Variants in AK6 observed in about 807,000 individuals in gnomAD.
The protein encoded by AK6 is adenylate kinase isoenzyme 6.
In AK6, 24 loss-of-function variants were observed where a neutral mutation model predicts 23.7. The ratio of observed to expected loss-of-function variants is 1.01; its 90% CI spans 0.73 to 1.43. AK6 has a LOEUF of 1.43. Among genes scored for constraint, AK6 ranks in the 40% most tolerant of loss-of-function variants. The probability of loss-of-function intolerance (pLI) is 0.00; values close to 1 mark genes in which losing one functional copy is unlikely to be tolerated. For synonymous variants in AK6, 73 were observed against 69.8 expected, an observed-to-expected ratio of 1.05 and a Z score of -0.23; for missense variants, 191 against 199.1, an observed-to-expected ratio of 0.96 and a Z score of 0.24.
chr5:69,355,125 G>C (rs1257073954), intron 4 of AK6, among the ~76,000 whole-genome samples: 1 of 152,090 alleles, frequency 6.6e-6, no homozygotes, highest in Non-Finnish European at 1.5e-5. Context: ...CACTGTGCCC[G>C]GCCGACTAAA....
intron 2 of AK6, 86 bp downstream of exon 2, chr5:69,366,417 C>A (rs1326998464): frequency 2.9e-6 from 3 of 1,020,480 alleles, no homozygotes; most frequent in African/African-American, 3.2e-5. Context: ...GTTTTTTGTA[C>A]CCTATGACAA....
chr5:69,353,533 T>A (rs745928663), intron 4 of AK6, among the ~76,000 whole-genome samples: 7 of 151,962 alleles, frequency 4.6e-5, no homozygotes, highest in Admixed American at 1.3e-4. Flanking sequence ...CCTGACCTCA[T>A]GATTCAGCCA....
intron 2 of AK6, among the ~76,000 whole-genome samples, chr5:69,364,486 A>G (rs1390922992): frequency 2.0e-5 from 3 of 152,218 alleles, no homozygotes; most frequent in African/African-American, 7.2e-5. Flanking sequence ...CACTATGAAT[A>G]AAAATCCTGA....
At chr5:69,356,859 C>T (rs1437160337) in intron 2 of AK6, among the ~76,000 whole-genome samples, 1 of 152,054 alleles carries the variant, frequency 6.6e-6, no homozygotes, top group African/African-American at 2.4e-5. Context: ...ACAAAAATAA[C>T]GTTCAAAGTT....
chr5:69,362,289 C>T (rs1762262109), intron 2 of AK6, among the ~76,000 whole-genome samples: 1 of 152,028 alleles, frequency 6.6e-6, no homozygotes, highest in Non-Finnish European at 1.5e-5. Context: ...CTCCATGTGA[C>T]AACCCAAAAT....
At chr5:69,369,818 G>T (rs1762807755), upstream of AK6, 1 of 1,070,464 alleles carries the variant, frequency 9.3e-7, no homozygotes, top group East Asian at 2.7e-5. Context: ...CCGGGAGGCC[G>T]TACCTCCGAG....
chr5:69,355,887 A>AT lies in AK6; in HGVS notation c.180+7dup. Reference sequence around the variant, plus strand: ...CAAATGCATACTTTATGAAAAAGTCATACTTACTCTGTCTTCATCTAAAAT... The same window carrying AT: ...CAAATGCATACTTTATGAAAAAGTCATTACTTACTCTGTCTTCATCTAAAAT... On this transcript the variant is annotated splice_region_variant and intron_variant, in intron 3 of 4. Coordinates refer to ENST00000380822, the MANE Select transcript of AK6 (RefSeq NM_016283.5). The AT allele has an allele frequency of 6.2e-7, 1 of 1,607,700 alleles. No homozygotes were observed. The highest frequency in any genetic ancestry group is 8.5e-7 in the Non-Finnish European group (1 of 1,178,026).
upstream of AK6, chr5:69,369,756 A>G (rs1236920341): frequency 1.3e-6 from 2 of 1,491,620 alleles, no homozygotes; most frequent in Non-Finnish European, 9.1e-7. Context: ...TAAGTCACAC[A>G]CTCCTTCGGT....
upstream of AK6, chr5:69,369,754 A>G (rs535972848): frequency 6.1e-5 from 92 of 1,508,270 alleles, 3 homozygotes; most frequent in South Asian, 9.5e-4. Context: ...CCTAAGTCAC[A>G]CACTCCTTCG....
chr5:69,362,648 T>C (rs1762271682), intron 2 of AK6, among the ~76,000 whole-genome samples: 1 of 151,860 alleles, frequency 6.6e-6, no homozygotes, highest in Non-Finnish European at 1.5e-5. Context: ...CTGGGGAGGT[T>C]GAAGCAGGAG....
chr5:69,359,110 GC>G (rs1224207681), intron 2 of AK6, among the ~76,000 whole-genome samples: 1 of 151,838 alleles, frequency 6.6e-6, no homozygotes, highest in Non-Finnish European at 1.5e-5. Flanking sequence ...GCCCAGCATG[GC>G]GGTGCCAGCC....
rs946446832 is a variant in AK6 at position 69,351,570 on chromosome 5, T to C, written c.*491A>G. On this transcript the variant is annotated 3_prime_UTR_variant, in exon 5 of 5. Transcript: ENST00000380822. ...GACATATAGGAAACCAGTAACATTA[T>C]TTCCTAAAGGGAAGGAACCTGGGGT... is the stretch of plus-strand genomic sequence containing the variant. The C allele has an allele frequency of 6.6e-6, 1 of 152,522 alleles. No individual in the cohort carries two copies. The highest frequency in any genetic ancestry group is 1.5e-5 in the Non-Finnish European group (1 of 68,324). 9.4% of individuals were successfully genotyped at this position (152,522 alleles called of 1,614,324 possible).
intron 2 of AK6, among the ~76,000 whole-genome samples, chr5:69,364,037 G>A (rs1762316746): frequency 6.6e-6 from 1 of 152,080 alleles, no homozygotes; most frequent in Non-Finnish European, 1.5e-5. Flanking sequence ...GCAGTGAGCT[G>A]AGATTGTGCC....
chr5:69,363,445 G>T (rs1203218852), intron 2 of AK6, among the ~76,000 whole-genome samples: 1 of 152,180 alleles, frequency 6.6e-6, no homozygotes, highest in Non-Finnish European at 1.5e-5. Context: ...CAAAAATGGT[G>T]GTGTTCAACA....
intron 2 of AK6, among the ~76,000 whole-genome samples, chr5:69,360,545 C>T (rs1198689180): frequency 6.6e-6 from 1 of 152,042 alleles, no homozygotes; most frequent in Non-Finnish European, 1.5e-5. Flanking sequence ...GTCATCAGCA[C>T]AAGGGAGTGA....
intron 1 of AK6, chr5:69,369,105 C>A: frequency 2.6e-6 from 1 of 387,630 alleles, no homozygotes; most frequent in South Asian, 4.9e-5. Flanking sequence ...CGTTATTTCG[C>A]TAAAAATCCC....
chr5:69,369,758 T>C, upstream of AK6: 1 of 1,486,734 alleles, frequency 6.7e-7, no homozygotes, highest in Non-Finnish European at 9.2e-7. Flanking sequence ...AGTCACACAC[T>C]CCTTCGGTGG....
chr5:69,363,778 C>T (rs1274859608), intron 2 of AK6, among the ~76,000 whole-genome samples: 4 of 149,318 alleles, frequency 2.7e-5, no homozygotes, highest in Non-Finnish European at 4.4e-5. Flanking sequence ...AGGGAGACTC[C>T]GTCTCAAAAG....
upstream of AK6, chr5:69,369,680 G>A (rs1224859108): frequency 4.5e-6 from 7 of 1,555,128 alleles, no homozygotes; most frequent in Middle Eastern, 6.7e-4. Context: ...ACACATTTCC[G>A]TCGCAAAGTT....
Sources: allele counts gnomAD v4.1 joint callset (sites outside exome capture counted in the v4.1 genomes callset), GRCh38; gene constraint gnomAD v4.1.1; transcripts MANE v1.5; gene names NCBI Gene and HGNC (gene_info 2026-07-23, HGNC 2026-07-21).